The following PPP3R1 variants were observed in gnomAD, a reference collection of about 807,000 sequenced individuals.
The protein encoded by PPP3R1 is calcineurin subunit B type 1.
A neutral mutation model predicts 22.6 loss-of-function variants in PPP3R1; 5 were observed. The ratio of observed to expected loss-of-function variants is 0.22; its 90% confidence interval spans 0.12 to 0.46. The LOEUF (loss-of-function observed/expected upper bound fraction) is 0.46. Among genes scored for constraint, PPP3R1 ranks in the 20% least tolerant of loss-of-function variants. PPP3R1 has a pLI of 0.99. For missense variants in PPP3R1, 61 were observed against 203.2 expected (o/e 0.30, Z 4.25); for synonymous variants, 56 against 65.2 (o/e 0.86, Z 0.68).
intron 2 of PPP3R1, among the ~76,000 whole-genome samples, chr2:68,195,172 G>A (rs752927085): frequency 2.0e-5 from 3 of 152,050 alleles, no homozygotes; most frequent in African/African-American, 7.2e-5. Context: ...TATTATCTTT[G>A]TAACTTTTTT....
rs746294813 is a variant in PPP3R1, at chr2:68,188,496, AAAT to A, written c.220+15_220+17del. On this transcript the variant is annotated intron_variant, in intron 3 of 5. Coordinates refer to ENST00000234310, the MANE Select transcript of PPP3R1 (RefSeq NM_000945.4). ...AGGTTAGATAACTTGTGGTTATAAA[AAAT>A]AACTACTTTCTTACCTTTAAAGTCT... The A allele has an allele frequency of 1.3e-6, 2 of 1,561,966 alleles. No individual in the cohort carries two copies. The highest frequency in any genetic ancestry group is 4.5e-5 in the East Asian group (2 of 44,008).
At position 68,180,020 on chromosome 2, in the gene PPP3R1, A is replaced by T. The variant is rs1051772805; in HGVS notation, c.*943T>A. 9.8e-5 allele frequency: 15 copies of T among 152,374 alleles called. No individual in the cohort carries two copies. The highest frequency in any genetic ancestry group is 1.8e-4 in the Non-Finnish European group (12 of 68,030). 9.4% of individuals were successfully genotyped at this position (152,374 alleles called of 1,614,324 possible). ...GTAATCAAACAAATGGATATCCCTT[A>T]TAAGTAGTTACATGATCACTTCAGG... On this transcript the variant is annotated 3_prime_UTR_variant, in exon 6 of 6. Coordinates refer to ENST00000234310, the MANE Select transcript of PPP3R1 (RefSeq NM_000945.4).
At chr2:68,197,273 G>A (rs2103736413) in intron 2 of PPP3R1, among the ~76,000 whole-genome samples, 1 of 152,076 alleles carries the variant, frequency 6.6e-6, no homozygotes, top group Non-Finnish European at 1.5e-5. Context: ...AGAATTTCAT[G>A]TCTACAGGAT....
rs372712313 is a variant in PPP3R1 at position 68,204,757 on chromosome 2, G to C, written c.43+12335C>G. Reference sequence around the variant, plus strand: ...CAAATGGGGTGACTAGTAACTACCAGGTTTTCCCAAAGGTATACAGCCTTT... The same window carrying C: ...CAAATGGGGTGACTAGTAACTACCACGTTTTCCCAAAGGTATACAGCCTTT... On this transcript the variant is annotated intron_variant, in intron 2 of 5. Coordinates refer to ENST00000234310, the MANE Select transcript of PPP3R1 (RefSeq NM_000945.4). 1.7e-4 allele frequency among the ~76,000 whole-genome samples: 26 copies of C among 152,302 alleles called. No homozygotes were observed. The East Asian group carries it at 5.0e-3, about 29-fold the overall frequency.
chr2:68,188,840 G>T, intron 2 of PPP3R1, 150 bp from the exon 3 acceptor site: 1 of 636,510 alleles, frequency 1.6e-6, no homozygotes, highest in Admixed American at 3.2e-5. Context: ...TTTCCAATTT[G>T]ATAAAAAGAG....
intron 2 of PPP3R1, among the ~76,000 whole-genome samples, chr2:68,202,997 T>A (rs1296559455): frequency 2.6e-5 from 4 of 151,982 alleles, no homozygotes; most frequent in Non-Finnish European, 5.9e-5. Flanking sequence ...TTAAAAACCG[T>A]CTGTAACACT....
intron 2 of PPP3R1, among the ~76,000 whole-genome samples, chr2:68,192,157 A>C (rs1275232303): frequency 6.6e-6 from 1 of 152,188 alleles, no homozygotes; most frequent in East Asian, 1.9e-4. Context: ...ACAGTGTCTC[A>C]AAGTTCATAG....
intron 5 of PPP3R1, among the ~76,000 whole-genome samples, chr2:68,182,154 G>A (rs941316234): frequency 4.3e-5 from 6 of 138,650 alleles, no homozygotes; most frequent in East Asian, 2.1e-4. Context: ...AATCTCTTTC[G>A]TGTCTAGCTT....
chr2:68,200,874 G>A (rs1367494752), intron 2 of PPP3R1, among the ~76,000 whole-genome samples: 3 of 152,054 alleles, frequency 2.0e-5, no homozygotes, highest in Admixed American at 2.0e-4. Flanking sequence ...GAAGGCCTGT[G>A]TATTATTGTT....
At chr2:68,203,837 G>A (rs748514016) in intron 2 of PPP3R1, among the ~76,000 whole-genome samples, 13 of 152,164 alleles carry the variant, frequency 8.5e-5, no homozygotes, top group Non-Finnish European at 1.3e-4. Context: ...GCGTTCTAAC[G>A]GCTAGAAGGG....
chr2:68,189,602 T>A lies in PPP3R1; in HGVS notation c.44-912A>T, dbSNP rs991177806. 9.8e-5 allele frequency among the ~76,000 whole-genome samples: 15 copies of A among 152,306 alleles called. No homozygotes were observed. The East Asian group carries it at 2.9e-3, about 29-fold the overall frequency. Reference sequence around the variant, plus strand: ...AATACAACGGGCCAGGCGCAATGGCTCACGCTTGTAATCCCAGCACTTTGG... The same window carrying A: ...AATACAACGGGCCAGGCGCAATGGCACACGCTTGTAATCCCAGCACTTTGG... On this transcript the variant is annotated intron_variant, in intron 2 of 5. Coordinates refer to ENST00000234310, the MANE Select transcript of PPP3R1 (RefSeq NM_000945.4).
In PPP3R1 at chr2:68,214,352, A is replaced by G. The variant is rs575245078; in HGVS notation, c.43+2740T>C. Among the ~76,000 whole-genome samples the G allele has an allele frequency of 2.6e-5, 4 of 152,316 alleles. 1 individual carries two copies. Among genetic ancestry groups the G allele is most frequent in the Admixed American group, 2.0e-4 (3 of 15,298 alleles). Reference sequence around the variant, plus strand: ...ATCAACAGAGTAAAACAGACAACCTACAGAATGGGAGAAAACATCTGCTAA... The same window carrying G: ...ATCAACAGAGTAAAACAGACAACCTGCAGAATGGGAGAAAACATCTGCTAA... On this transcript the variant is annotated intron_variant, in intron 2 of 5. Coordinates refer to ENST00000234310, the MANE Select transcript of PPP3R1 (RefSeq NM_000945.4).
chr2:68,233,754 A>C (rs1669963692), intron 1 of PPP3R1, among the ~76,000 whole-genome samples: 1 of 152,202 alleles, frequency 6.6e-6, no homozygotes, highest in East Asian at 1.9e-4. Flanking sequence ...CAGATACCTC[A>C]GATAAACTAA....
chr2:68,245,427 A>T (rs1437316582), intron 1 of PPP3R1, among the ~76,000 whole-genome samples: 1 of 152,254 alleles, frequency 6.6e-6, no homozygotes, highest in South Asian at 2.1e-4. Flanking sequence ...AAATAATTAC[A>T]GTATAATGTC....
At chr2:68,189,748 A>C (rs1397156744) in intron 2 of PPP3R1, among the ~76,000 whole-genome samples, 1 of 152,068 alleles carries the variant, frequency 6.6e-6, no homozygotes, top group Non-Finnish European at 1.5e-5. Flanking sequence ...ACGCACCTCT[A>C]ATCCCAGATA....
rs574014610 is a variant in PPP3R1 at position 68,217,790 on chromosome 2, A to G, written c.4-659T>C. 1.4e-4 allele frequency among the ~76,000 whole-genome samples: 22 copies of G among 152,236 alleles called. No individual in the cohort carries two copies. In the East Asian group the frequency reaches 4.2e-3, roughly 29 times the overall value. On this transcript the variant is annotated intron_variant, in intron 1 of 5. Coordinates refer to ENST00000234310, the MANE Select transcript of PPP3R1 (RefSeq NM_000945.4). ...GAGCTCCTAATTTATATATAAAAAA[A>G]GTAGAACTATCAATTTTCTATACTA...
Position 68,178,924 on chromosome 2 carries a change from G to A in PPP3R1, c.*2039C>T, listed in dbSNP as rs868381199. On this transcript the variant is annotated 3_prime_UTR_variant, in exon 6 of 6. Coordinates refer to ENST00000234310, the MANE Select transcript of PPP3R1 (RefSeq NM_000945.4). ...TTTTCTAAAGATCCCACAACATGAC[G>A]TATCATGCAGAAGAAAAACTAAACA... 6.9e-6 allele frequency: 1 copy of A among 145,504 alleles called. No homozygotes were observed. The highest frequency in any genetic ancestry group is 2.6e-5 in the African/African-American group (1 of 39,114). The allele number at this position is 145,504 out of a possible 1,614,324, so 9.0% of individuals were successfully genotyped here. A position where few individuals can be genotyped will look rare whatever the true frequency, so the allele number is the denominator to read the frequency against.
At chr2:68,224,268 A>T (rs1285889536) in intron 1 of PPP3R1, among the ~76,000 whole-genome samples, 1 of 152,198 alleles carries the variant, frequency 6.6e-6, no homozygotes, top group Non-Finnish European at 1.5e-5. Flanking sequence ...AAATCAATAA[A>T]CTAATTCTAA....
chr2:68,182,221 T>C (rs1674426198), intron 5 of PPP3R1, among the ~76,000 whole-genome samples: 1 of 152,162 alleles, frequency 6.6e-6, no homozygotes, highest in Non-Finnish European at 1.5e-5. Flanking sequence ...TTGTTATCTG[T>C]ATTATTTTTA....
Sources: allele counts gnomAD v4.1 joint callset (sites outside exome capture counted in the v4.1 genomes callset), GRCh38; gene constraint gnomAD v4.1.1; transcripts MANE v1.5; gene names NCBI Gene and HGNC (gene_info 2026-07-23, HGNC 2026-07-21).